Variants in ANO3 observed in about 807,000 individuals in gnomAD.
ANO3 encodes the protein anoctamin 3, also known as anoctamin-3.
A neutral mutation model predicts 144.8 loss-of-function variants in ANO3; 99 were observed. The ratio of observed to expected loss-of-function variants is 0.68; its 90% CI spans 0.58 to 0.81. The LOEUF (loss-of-function observed/expected upper bound fraction) is 0.81. Ranked by LOEUF, ANO3 falls within the 30% of genes least tolerant of loss-of-function variation. The pLI, the probability that ANO3 is intolerant of heterozygous loss-of-function variation, is 0.00. For synonymous variants in ANO3, 414 were observed against 392.6 expected (o/e 1.05, Z -0.64); for missense variants, 905 against 1,202.2 (o/e 0.75, Z 3.66).
intron 1 of ANO3, among the ~76,000 whole-genome samples, chr11:26,398,587 G>A (rs917132567): frequency 1.3e-5 from 2 of 152,054 alleles, no homozygotes; most frequent in Middle Eastern, 3.4e-3. Flanking sequence ...TTTCAAATAG[G>A]ATCTCATAAT....
intron 18 of ANO3, among the ~76,000 whole-genome samples, chr11:26,629,851 G>A (rs1218535552): frequency 1.3e-5 from 2 of 152,040 alleles, no homozygotes; most frequent in African/African-American, 2.4e-5. Context: ...GGCTGGTCTC[G>A]AACTGCCGAC....
At chr11:26,369,418 T>G (rs549325604) in intron 1 of ANO3, among the ~76,000 whole-genome samples, 1 of 152,224 alleles carries the variant, frequency 6.6e-6, no homozygotes, top group Non-Finnish European at 1.5e-5. Flanking sequence ...CCCTACTCAT[T>G]CTCCTCATCC....
intron 1 of ANO3, among the ~76,000 whole-genome samples, chr11:26,320,730 T>G (rs1854738576): frequency 6.6e-6 from 1 of 152,146 alleles, no homozygotes; most frequent in Non-Finnish European, 1.5e-5. Flanking sequence ...TTAGTTCTTC[T>G]AATGTGAAAT....
At chr11:26,212,606 G>A (rs995825740) in intron 1 of ANO3, among the ~76,000 whole-genome samples, 2 of 151,928 alleles carry the variant, frequency 1.3e-5, no homozygotes, top group African/African-American at 4.8e-5. Flanking sequence ...TCCCTGAATA[G>A]ATCAATAACA....
chr11:26,568,483 T>G (rs1590557631), intron 14 of ANO3, among the ~76,000 whole-genome samples: 1 of 149,664 alleles, frequency 6.7e-6, no homozygotes, highest in Non-Finnish European at 1.5e-5. Flanking sequence ...TTTTTTTTTT[T>G]AATACAGCCT....
intron 14 of ANO3, among the ~76,000 whole-genome samples, chr11:26,597,646 A>G (rs1851674653): frequency 6.6e-6 from 1 of 152,210 alleles, no homozygotes; most frequent in Non-Finnish European, 1.5e-5. Context: ...GAGCTCTCAT[A>G]CAATGGGAGG....
At chr11:26,610,309 T>A (rs1157531308) in intron 17 of ANO3, among the ~76,000 whole-genome samples, 1 of 19,148 alleles carries the variant, frequency 5.2e-5, no homozygotes, top group African/African-American at 2.5e-4. Flanking sequence ...ATGTTGAGCA[T>A]TTTTTTTTTT....
At chr11:26,376,585 T>G (rs1590307037) in intron 1 of ANO3, among the ~76,000 whole-genome samples, 1 of 152,160 alleles carries the variant, frequency 6.6e-6, no homozygotes, top group East Asian at 1.9e-4. Flanking sequence ...TCTCAAAGTT[T>G]ATTCGCACCC....
chr11:26,510,318 C>T (rs181987867), intron 5 of ANO3, among the ~76,000 whole-genome samples: 3,356 of 152,176 alleles, frequency 0.022, 64 homozygotes, highest in Non-Finnish European at 0.035. Flanking sequence ...CTGTTGCCTC[C>T]TTTAGTTGTC....
intron 1 of ANO3, among the ~76,000 whole-genome samples, chr11:26,369,436 A>G (rs923064550): frequency 2.2e-4 from 34 of 151,452 alleles, no homozygotes; most frequent in African/African-American, 8.3e-4. Flanking sequence ...TCCTTTTCCT[A>G]CCATTTCTCC....
intron 1 of ANO3, among the ~76,000 whole-genome samples, chr11:26,415,247 G>C (rs557989147): frequency 6.6e-6 from 1 of 152,104 alleles, no homozygotes; most frequent in South Asian, 2.1e-4. Flanking sequence ...AATTTCAGAA[G>C]ACAGTGTGTT....
rs542278364 is a variant in ANO3, at chr11:26,660,604, C to G, written c.*160C>G. ...CAGCCATCTCTGGGATTTGAAATAT[C>G]CAGACTTGTAGGGAAGAAAACAATG... On this transcript the variant is annotated 3_prime_UTR_variant, in exon 27 of 27. Transcript: ENST00000256737. 1 of 640,346 alleles carries G rather than the reference C, an allele frequency of 1.6e-6. No homozygotes were observed. Among genetic ancestry groups the G allele is most frequent in the African/African-American group, 1.9e-5 (1 of 53,526 alleles). The allele number at this position is 640,346 out of a possible 1,614,324, so 39.7% of individuals were successfully genotyped here.
chr11:26,616,284 G>A (rs1590635519), intron 17 of ANO3, among the ~76,000 whole-genome samples: 2 of 152,104 alleles, frequency 1.3e-5, no homozygotes, highest in South Asian at 4.1e-4. Flanking sequence ...ACCTGTTGGA[G>A]GTAATCAATG....
chr11:26,277,629 T>C (rs1057496389), intron 1 of ANO3, among the ~76,000 whole-genome samples: 1 of 152,024 alleles, frequency 6.6e-6, no homozygotes, highest in African/African-American at 2.4e-5. Context: ...AACTACATGC[T>C]TTCACATAGG....
intron 1 of ANO3, among the ~76,000 whole-genome samples, chr11:26,438,610 A>AAAAAAAAAAAAAG (rs1858387464): frequency 4.1e-4 from 30 of 73,846 alleles, no homozygotes; most frequent in Non-Finnish European, 5.1e-4. Flanking sequence ...AAAAAAAAAG[A>AAAAAAAAAAAAAG]AAAAAAAAAA....
At position 26,552,820 on chromosome 11, in the gene ANO3, G is replaced by A. The variant is rs183267308; in HGVS notation, c.1290-429G>A. 2.4e-3 allele frequency among the ~76,000 whole-genome samples: 362 copies of A among 152,186 alleles called. 2 individuals carry two copies. Among genetic ancestry groups the A allele is most frequent in the Admixed American group, 3.9e-3 (60 of 15,250 alleles). The stretch of plus-strand genomic sequence containing the variant: ...TTCTGCACCAACAATATGTACTGCA[G>A]TGGGTGTTATAAATTGTGTGATCAC... On this transcript the variant is annotated intron_variant, in intron 12 of 26. Transcript: ENST00000256737.
At chr11:26,276,771 T>C (rs1853568792) in intron 1 of ANO3, among the ~76,000 whole-genome samples, 1 of 152,122 alleles carries the variant, frequency 6.6e-6, no homozygotes. Flanking sequence ...CTAAAGGTCA[T>C]CTCCATCAAA....
At chr11:26,443,906 A>G in intron 3 of ANO3, 70 bp downstream of exon 3, 4 of 1,075,690 alleles carry the variant, frequency 3.7e-6, no homozygotes, top group Non-Finnish European at 5.5e-6. Context: ...CTTCTAAAAA[A>G]AACTAGCATT....
intron 5 of ANO3, among the ~76,000 whole-genome samples, chr11:26,512,282 A>T (rs1412327461): frequency 3.3e-5 from 5 of 152,200 alleles, no homozygotes; most frequent in Admixed American, 3.3e-4. Context: ...CTCAAGAGTG[A>T]ATCTCCTTTC....
Sources: gnomAD v4.1 joint callset for allele counts (sites outside exome capture counted in the v4.1 genomes callset) on GRCh38, gnomAD v4.1.1 for gene constraint, MANE v1.5 for transcripts, NCBI Gene and HGNC (gene_info 2026-07-23, HGNC 2026-07-21) for gene names.